Variants in CSF1R observed in about 807,000 individuals in gnomAD.
CSF1R encodes the protein colony stimulating factor 1 receptor, also known as macrophage colony-stimulating factor 1 receptor.
In CSF1R, 40 loss-of-function variants were observed where a neutral mutation model predicts 110.0. The observed-to-expected ratio is 0.36, with a 90% CI of 0.28 to 0.47. CSF1R has a LOEUF of 0.47. Ranked by LOEUF, CSF1R falls within the 20% of genes least tolerant of loss-of-function variation. CSF1R has a pLI of 0.99. For missense variants in CSF1R, 1,052 were observed against 1,253.0 expected (o/e 0.84, Z 2.42); for synonymous variants, 523 against 503.4 (o/e 1.04, Z -0.52).
chr5:150,070,654 AGG>A, intron 6 of CSF1R, 83 bp from the exon 7 acceptor site: 4 of 967,382 alleles, frequency 4.1e-6, no homozygotes, highest in Non-Finnish European at 5.8e-6. Flanking sequence ...ACAGCCTTAA[AGG>A]GGTTTATTTT....
intron 7 of CSF1R, 31 bp downstream of exon 7, chr5:150,070,425 G>T: frequency 6.4e-7 from 1 of 1,553,308 alleles, no homozygotes. Flanking sequence ...CAGGGCCTCC[G>T]CCCCAGGTGG....
In CSF1R at chr5:150,057,610, T is replaced by G. The variant is rs1419909876; in HGVS notation, c.2133-18A>C. ...CACTGTCCCTACATAGGAGAGAGGG[T>G]TGGGGGGCAGAGGTCACTCATCATC... On this transcript the variant is annotated intron_variant, in intron 14 of 20. Transcript: ENST00000675795. 6.2e-7 allele frequency: 1 copy of G among 1,606,188 alleles called. No individual in the cohort carries two copies. The highest frequency in any genetic ancestry group is 8.5e-7 in the Non-Finnish European group (1 of 1,172,988).
At chr5:150,098,102 T>C (rs1268033223) in intron 1 of CSF1R, among the ~76,000 whole-genome samples, 1 of 152,158 alleles carries the variant, frequency 6.6e-6, no homozygotes, top group East Asian at 1.9e-4. Flanking sequence ...GGCCAATTGA[T>C]TTTTGACAAA....
intron 10 of CSF1R, chr5:150,067,207 T>C (rs1250205939): frequency 1.3e-5 from 2 of 152,178 alleles, no homozygotes; most frequent in African/African-American, 2.4e-5. Flanking sequence ...GGGGTTTTTT[T>C]TTTTAACCTT....
chr5:150,058,395 G>A (rs553873467), intron 14 of CSF1R: 330 of 447,782 alleles, frequency 7.4e-4, no homozygotes, highest in African/African-American at 6.2e-3. Flanking sequence ...CGCTAGAGAT[G>A]TGTACCTTGA....
intron 1 of CSF1R, among the ~76,000 whole-genome samples, chr5:150,102,738 C>A (rs918058321): frequency 6.6e-6 from 1 of 152,218 alleles, no homozygotes; most frequent in Non-Finnish European, 1.5e-5. Context: ...CCTTGGTCTC[C>A]CAAAGTGCTG....
chr5:150,059,198 C>T (rs1757384705), intron 14 of CSF1R, among the ~76,000 whole-genome samples: 1 of 152,222 alleles, frequency 6.6e-6, no homozygotes, highest in South Asian at 2.1e-4. Context: ...GCATGCGCCA[C>T]CACGCCCGGC....
In CSF1R at chr5:150,080,180, G is replaced by T. The variant is rs1758466722; in HGVS notation, c.464C>A (p.Ser155Tyr). 6.8e-6 allele frequency: 11 copies of T among 1,613,754 alleles called. No individual in the cohort carries two copies. The highest frequency in any genetic ancestry group is 1.1e-5 in the South Asian group (1 of 91,094). Residue 155 changes from serine to tyrosine, a missense_variant, in exon 3 of 21, where the codon TCC becomes TAC. This residue lies in a region of CSF1R where 693 missense variants were observed against 735.4 expected (regional missense o/e 0.94). Coordinates refer to ENST00000675795, the MANE Select transcript of CSF1R (RefSeq NM_001288705.3). ...GRPLMRHTNY[S>Y]FSPWHGFTIH... ...GGTGAAGCCATGCCAGGGCGAGAAG[G>T]AGTAGTTGGTGTGGCGCATGAGGGG...
intron 16 of CSF1R, 28 bp downstream of exon 16, chr5:150,057,259 T>C: frequency 6.2e-7 from 1 of 1,601,164 alleles, no homozygotes; most frequent in Non-Finnish European, 8.5e-7. Flanking sequence ...CCTGGGTGGC[T>C]ATGAGCCAGG....
chr5:150,107,511 G>A (rs1425904692), intron 1 of CSF1R, among the ~76,000 whole-genome samples: 1 of 152,244 alleles, frequency 6.6e-6, no homozygotes, highest in African/African-American at 2.4e-5. Context: ...GGGGAAAGCT[G>A]TAATTACTCC....
Position 150,066,817 on chromosome 5 carries a change from C to T in CSF1R, c.1626+1398G>A, listed in dbSNP as rs74387799. ...CACACCACTCCCTTGTTCAAACCCACTGATGGCCTTGGACCGACAGGGTGG... is the reference window on the plus strand; with the variant it reads ...CACACCACTCCCTTGTTCAAACCCATTGATGGCCTTGGACCGACAGGGTGG... On this transcript the variant is annotated intron_variant, in intron 10 of 20. Coordinates refer to ENST00000675795, the MANE Select transcript of CSF1R (RefSeq NM_001288705.3). Among the ~76,000 whole-genome samples the T allele has an allele frequency of 5.3e-3, 810 of 152,312 alleles. 6 individuals are homozygous for T. Among genetic ancestry groups the T allele is most frequent in the African/African-American group, 0.019 (779 of 41,568 alleles).
rs201421242 is a variant in CSF1R, at chr5:150,056,358, C to T, written c.2320-17G>A. On this transcript the variant is annotated splice_polypyrimidine_tract_variant and intron_variant, in intron 16 of 20. Coordinates refer to ENST00000675795, the MANE Select transcript of CSF1R (RefSeq NM_001288705.3). ...GTGGATGCACTGAGGGAAAGCACTG[C>T]AGGGTTAGTCTTGGGCCTTCTCCTA... The T allele has an allele frequency of 5.6e-6, 9 of 1,613,950 alleles. No individual in the cohort carries two copies. The highest frequency in any genetic ancestry group is 2.2e-5 in the South Asian group (2 of 91,054).
chr5:150,086,699 C>A, upstream of CSF1R: 1 of 423,362 alleles, frequency 2.4e-6, no homozygotes, highest in Non-Finnish European at 4.3e-6. Context: ...CAGTCTGGGG[C>A]AGGGCCAGCC....
At chr5:150,095,112 G>GGA (rs368651255) in intron 1 of CSF1R, 4 of 327,334 alleles carry the variant, frequency 1.2e-5, no homozygotes, top group East Asian at 1.1e-4. Flanking sequence ...TCTCAAATTG[G>GGA]AAAAAAAAAA....
At chr5:150,094,062 TC>T (rs779199801) in intron 1 of CSF1R, among the ~76,000 whole-genome samples, 144 of 101,120 alleles carry the variant, frequency 1.4e-3, no homozygotes, top group African/African-American at 5.0e-3. Context: ...AAATTCCATC[TC>T]AAAAAAAAAA....
At position 150,056,427 on chromosome 5, in the gene CSF1R, G is replaced by T. The variant is rs181485917; in HGVS notation, c.2320-86C>A. ...AGGATGGCAGGGAGGGCCCCACATG[G>T]CTTTGGAGTCCCTGCTGGAGTGAAC... On this transcript the variant is annotated intron_variant, in intron 16 of 20. Coordinates refer to ENST00000675795, the MANE Select transcript of CSF1R (RefSeq NM_001288705.3). 2.2e-4 allele frequency: 341 copies of T among 1,547,698 alleles called. 1 individual carries two copies. The highest frequency in any genetic ancestry group is 1.5e-4 in the Non-Finnish European group (175 of 1,136,902).
chr5:150,057,860 C>T (rs1757324581), intron 14 of CSF1R, among the ~76,000 whole-genome samples: 1 of 152,162 alleles, frequency 6.6e-6, no homozygotes, highest in South Asian at 2.1e-4. Context: ...AGATTTTCCT[C>T]CTAGCCCCTG....
Position 150,104,257 on chromosome 5 carries a change from G to C in CSF1R, c.-181+9004C>G, listed in dbSNP as rs79911254. On this transcript the variant is annotated intron_variant, in intron 1 of 21. Coordinates refer to the CSF1R transcript ENST00000286301. Reference sequence around the variant, plus strand: ...TGGTGGAACATGTTTAGGTGGAGGAGGGGTATAACCAGCAAGAGGGGTGGA... The same window carrying C: ...TGGTGGAACATGTTTAGGTGGAGGACGGGTATAACCAGCAAGAGGGGTGGA... Among the ~76,000 whole-genome samples, 973 of 152,340 alleles carry C rather than the reference G, an allele frequency of 6.4e-3. 17 individuals are homozygous for C. Among genetic ancestry groups the C allele is most frequent in the African/African-American group, 0.022 (915 of 41,558 alleles).
chr5:150,080,303 T>C lies in CSF1R; in HGVS notation c.341A>G (p.Glu114Gly). The change falls in exon 3 of 21, where the codon GAG becomes GGG. Residue 114 changes from glutamate to glycine, a missense_variant. Physicochemically the swap from Glu to Gly is moderately conservative, Grantham distance 98. Coordinates refer to ENST00000675795, the MANE Select transcript of CSF1R (RefSeq NM_001288705.3). ...GTCCTGGTCCTCGAACACGACCACC[T>C]CCTGTGCTAGCACGTTCCAGGGCCG... ...PARPWNVLAQ[E>G]VVVFEDQDAL... 1 of 1,613,744 alleles carries C rather than the reference T, an allele frequency of 6.2e-7. No individual in the cohort carries two copies. Among genetic ancestry groups the C allele is most frequent in the Non-Finnish European group, 8.5e-7 (1 of 1,180,022 alleles).
Sources: gnomAD v4.1 joint callset for allele counts (sites outside exome capture counted in the v4.1 genomes callset) on GRCh38, gnomAD v4.1.1 for gene constraint, gnomAD v4.1.1 regional missense constraint, MANE v1.5 for transcripts, NCBI Gene and HGNC (gene_info 2026-07-23, HGNC 2026-07-21) for gene names.